Variants in ARFGEF2 observed in about 807,000 individuals in gnomAD.
The protein encoded by ARFGEF2 is brefeldin A-inhibited guanine nucleotide-exchange protein 2.
Under a neutral mutation model 219.9 loss-of-function variants are expected in ARFGEF2, and 74 were observed. That is an observed-to-expected ratio of 0.34 (90% CI 0.28 to 0.41). ARFGEF2 has a LOEUF of 0.41. Among genes scored for constraint, ARFGEF2 ranks in the 10% least tolerant of loss-of-function variants. The probability of loss-of-function intolerance (pLI) is 1.00; values close to 1 mark genes in which losing one functional copy is unlikely to be tolerated. For synonymous variants in ARFGEF2, 733 were observed against 799.2 expected, an observed-to-expected ratio of 0.92 and a Z score of 1.40; for missense variants, 1,743 against 2,218.3, an observed-to-expected ratio of 0.79 and a Z score of 4.30.
chr20:48,997,587 A>G (rs1222397363), intron 23 of ARFGEF2, among the ~76,000 whole-genome samples: 1 of 151,930 alleles, frequency 6.6e-6, no homozygotes, highest in African/African-American at 2.4e-5. Context: ...CCGTCTTTTG[A>G]TGTGTCACTT....
chr20:48,961,065 C>T (rs914058140), intron 6 of ARFGEF2, among the ~76,000 whole-genome samples: 7 of 119,622 alleles, frequency 5.9e-5, no homozygotes, highest in African/African-American at 8.1e-5. Context: ...GGCAACAGAG[C>T]GAGACTCTGT....
intron 25 of ARFGEF2, among the ~76,000 whole-genome samples, chr20:49,001,104 A>C (rs1245341361): frequency 8.3e-6 from 1 of 121,106 alleles, no homozygotes; most frequent in Non-Finnish European, 1.6e-5. Flanking sequence ...CACTGTTGCC[A>C]GGCTGGACGG....
chr20:48,971,164 T>C lies in ARFGEF2; in HGVS notation c.1235T>C (p.Leu412Pro). 1 of 1,614,162 alleles carries C rather than the reference T, an allele frequency of 6.2e-7. No homozygotes were observed. Among genetic ancestry groups the C allele is most frequent in the East Asian group, 2.2e-5 (1 of 44,886 alleles). Residue 412 changes from leucine (L) to proline (P), a missense_variant, in exon 10 of 39, where the codon CTC (leucine) becomes CCC (proline). Transcript: ENST00000371917. ...AAGGTGGTTTCCCTGCAGCTGCTCC[T>C]CTCTGTGTTGCAAAATGCTGGCCCC... Reference protein sequence around the residue: ...RSKVVSLQLLLSVLQNAGPVF... With the variant: ...RSKVVSLQLLPSVLQNAGPVF...
intron 30 of ARFGEF2, among the ~76,000 whole-genome samples, chr20:49,015,478 T>G (rs2091524054): frequency 6.6e-6 from 1 of 152,218 alleles, no homozygotes; most frequent in Non-Finnish European, 1.5e-5. Flanking sequence ...TTCCACAGCT[T>G]ATGAACATTT....
rs370897346 is a variant in ARFGEF2 at position 48,952,965 on chromosome 20, A to T, written c.603+81A>T. 1.5e-5 allele frequency: 22 copies of T among 1,431,582 alleles called. No individual in the cohort carries two copies. The African/African-American group carries it at 2.5e-4, about 16-fold the overall frequency. 88.7% of individuals were successfully genotyped at this position (1,431,582 alleles called of 1,614,324 possible). ...TCATGTGTGACCTTGGTGCCTGTGA[A>T]GAATCACTAGCATTTTAAAGCTACC... On this transcript the variant is annotated intron_variant, in intron 5 of 38. Coordinates refer to ENST00000371917, the MANE Select transcript of ARFGEF2 (RefSeq NM_006420.3).
Position 48,984,709 on chromosome 20 carries a change from C to A in ARFGEF2, c.1959-20C>A. On this transcript the variant is annotated intron_variant, in intron 14 of 38. Coordinates refer to ENST00000371917, the MANE Select transcript of ARFGEF2 (RefSeq NM_006420.3). ...AGATTTTGAAATAAGCAACTTGTGT[C>A]CCATCTCTGCTTGAAACAGGTTCAA... The A allele has an allele frequency of 6.2e-7, 1 of 1,614,034 alleles. No homozygotes were observed. The highest frequency in any genetic ancestry group is 1.1e-5 in the South Asian group (1 of 91,082).
At chr20:48,962,439 C>T (rs937252565) in intron 6 of ARFGEF2, among the ~76,000 whole-genome samples, 5 of 152,076 alleles carry the variant, frequency 3.3e-5, no homozygotes, top group Non-Finnish European at 5.9e-5. Context: ...TGTGGTTCCT[C>T]ATTGACCAAA....
At chr20:48,973,318 G>A in intron 12 of ARFGEF2, 34 bp downstream of exon 12, 1 of 1,611,216 alleles carries the variant, frequency 6.2e-7, no homozygotes, top group Non-Finnish European at 8.5e-7. Context: ...TTATATTAAA[G>A]TTTATTCATT....
chr20:48,938,114 A>C (rs1600591076), intron 1 of ARFGEF2, among the ~76,000 whole-genome samples: 1 of 152,230 alleles, frequency 6.6e-6, no homozygotes, highest in Non-Finnish European at 1.5e-5. Flanking sequence ...CCAGTACTTA[A>C]TAACTTGTAA....
In ARFGEF2 at chr20:48,991,074, G is replaced by A. The variant is rs1351076874; in HGVS notation, c.2849G>A (p.Arg950His). The A allele has an allele frequency of 1.9e-6, 3 of 1,614,082 alleles. No individual in the cohort carries two copies. Among genetic ancestry groups the A allele is most frequent in the Non-Finnish European group, 2.5e-6 (3 of 1,180,010 alleles). ...GATGCCTATGTTCAGGCTCTTGCTC[G>A]CTTCTCCCTACTCACAGCCAGCTCC... Reference protein sequence around the residue: ...ERDAYVQALARFSLLTASSSI... With the variant: ...ERDAYVQALAHFSLLTASSSI... The change falls in exon 21 of 39, where the codon CGC becomes CAC. Residue 950 changes from arginine to histidine, a missense_variant. Physicochemically the swap from Arg to His is conservative, Grantham distance 29. This residue lies in a region of ARFGEF2 where 666 missense variants were observed against 955.4 expected (regional missense o/e 0.70). Transcript: ENST00000371917.
chr20:48,956,670 C>T (rs904025261), intron 6 of ARFGEF2, among the ~76,000 whole-genome samples: 2 of 152,120 alleles, frequency 1.3e-5, no homozygotes, highest in African/African-American at 2.4e-5. Flanking sequence ...GCCTCTGCCT[C>T]CCAGGTTCAA....
In ARFGEF2 at chr20:49,016,290, G is replaced by T. The variant is rs1429340166; in HGVS notation, c.4190G>T (p.Trp1397Leu). The change falls in exon 31 of 39, where the codon TGG becomes TTG. Residue 1397 changes from tryptophan to leucine, a missense_variant. Around this residue, in one of 5 missense-constraint regions of ARFGEF2, gnomAD observed 578 missense variants for 664.0 expected, o/e 0.87. Coordinates refer to ENST00000371917, the MANE Select transcript of ARFGEF2 (RefSeq NM_006420.3). ...LPEQLSEKSE[W>L]MTTTCNHALY... is the part of the protein sequence containing the mutation. ...TTTTTGTTTTCCCAGAAATCTGAGT[G>T]GATGACAACAACCTGCAATCACGCA... is the stretch of plus-strand genomic sequence containing the variant. 2.5e-6 allele frequency: 4 copies of T among 1,613,844 alleles called. No individual in the cohort carries two copies. In the African/African-American group the frequency reaches 5.3e-5, roughly 22 times the overall value.
At chr20:48,938,986 T>TG (rs1568692174) in intron 1 of ARFGEF2, among the ~76,000 whole-genome samples, 1 of 150,602 alleles carries the variant, frequency 6.6e-6, no homozygotes, top group African/African-American at 2.4e-5. Context: ...GTTTGTTTTT[T>TG]TTTTTTTTGA....
intron 37 of ARFGEF2, 97 bp downstream of exon 37, chr20:49,028,765 C>A: frequency 7.5e-7 from 1 of 1,335,128 alleles, no homozygotes; most frequent in African/African-American, 1.5e-5. Context: ...AAAATACATG[C>A]TGACACTCTG....
At chr20:48,926,832 C>T (rs770931936) in intron 1 of ARFGEF2, among the ~76,000 whole-genome samples, 5 of 152,180 alleles carry the variant, frequency 3.3e-5, no homozygotes, top group Non-Finnish European at 7.3e-5. Context: ...GCAACTTGCC[C>T]ATCCACATCC....
Position 48,995,893 on chromosome 20 carries a change from T to C in ARFGEF2, c.3221+11T>C. 6.2e-7 allele frequency: 1 copy of C among 1,612,328 alleles called. No homozygotes were observed. Among genetic ancestry groups the C allele is most frequent in the African/African-American group, 1.3e-5 (1 of 74,994 alleles). On this transcript the variant is annotated intron_variant, in intron 23 of 38. Coordinates refer to ENST00000371917, the MANE Select transcript of ARFGEF2 (RefSeq NM_006420.3). Reference sequence around the variant, plus strand: ...TGTAGCTGTGGACAGGTAATGATTTTATTCTTCAGTGACCCTGAACTACAC... The same window carrying C: ...TGTAGCTGTGGACAGGTAATGATTTCATTCTTCAGTGACCCTGAACTACAC...
At chr20:48,978,202 C>A (rs1314832551) in intron 14 of ARFGEF2, among the ~76,000 whole-genome samples, 1 of 152,166 alleles carries the variant, frequency 6.6e-6, no homozygotes, top group Non-Finnish European at 1.5e-5. Context: ...ATATGGCTAG[C>A]CAGTTTTCCC....
intron 1 of ARFGEF2, among the ~76,000 whole-genome samples, chr20:48,923,607 G>C (rs182450172): frequency 6.6e-6 from 1 of 152,224 alleles, no homozygotes; most frequent in Non-Finnish European, 1.5e-5. Flanking sequence ...AGCAATGTGG[G>C]ATAAGCACTG....
At chr20:48,969,036 C>T (rs2091208891) in intron 8 of ARFGEF2, 111 bp from the exon 9 acceptor site, 14 of 1,051,922 alleles carry the variant, frequency 1.3e-5, no homozygotes, top group East Asian at 2.6e-5. Context: ...TCATGGCTTA[C>T]TGCAGCCTTG....
Sources: gnomAD v4.1 joint callset for allele counts (sites outside exome capture counted in the v4.1 genomes callset) on GRCh38, gnomAD v4.1.1 for gene constraint, gnomAD v4.1.1 regional missense constraint, MANE v1.5 for transcripts, NCBI Gene and HGNC (gene_info 2026-07-23, HGNC 2026-07-21) for gene names.